Variants in TUB observed in about 807,000 individuals in gnomAD.
The protein encoded by TUB is TUB bipartite transcription factor, also known as tubby protein homolog.
A neutral mutation model predicts 59.7 loss-of-function variants in TUB; 33 were observed. That is an observed-to-expected ratio of 0.55 (90% CI 0.42 to 0.74). The LOEUF is 0.74. TUB is among the 30% of genes least tolerant of loss of function. The pLI is 0.00. For synonymous variants in TUB, 293 were observed against 256.4 expected (o/e 1.14, Z -1.36); for missense variants, 659 against 672.0 (o/e 0.98, Z 0.21).
chr11:8,055,232 A>T lies in TUB; in HGVS notation c.203+15540A>T, dbSNP rs939229386. 6.6e-5 allele frequency among the ~76,000 whole-genome samples: 10 copies of T among 151,712 alleles called. No homozygotes were observed. In the East Asian group the frequency reaches 1.4e-3, roughly 21 times the overall value. ...AGTGGCCTGTGTGTGTGCGTGTGTG[A>T]GAGAGAGAGAGGTGGGAGGAGAATG... On this transcript the variant is annotated intron_variant, in intron 2 of 12. Coordinates refer to the TUB transcript ENST00000305253.
At chr11:8,058,135 C>G (rs181311866) in intron 2 of TUB, among the ~76,000 whole-genome samples, 3 of 150,616 alleles carry the variant, frequency 2.0e-5, no homozygotes, top group African/African-American at 7.3e-5. Context: ...TCACTTGAGC[C>G]TAGGAGGTCA....
chr11:8,043,180 GA>G (rs1460740392), intron 2 of TUB, among the ~76,000 whole-genome samples: 2 of 152,112 alleles, frequency 1.3e-5, no homozygotes, highest in Non-Finnish European at 2.9e-5. Flanking sequence ...ACCATTTGGT[GA>G]AAAAACCATT....
At chr11:8,071,596 A>G (rs1285936891) in intron 2 of TUB, among the ~76,000 whole-genome samples, 1 of 152,194 alleles carries the variant, frequency 6.6e-6, no homozygotes, top group East Asian at 1.9e-4. Context: ...TGTAAGGAGC[A>G]AGGGAAGTTT....
At chr11:8,097,691 A>G (rs370589663) in intron 7 of TUB, 23 bp from the exon 8 acceptor site, 13 of 1,581,232 alleles carry the variant, frequency 8.2e-6, no homozygotes, top group Non-Finnish European at 1.0e-5. Context: ...AGTCTGGAAT[A>G]TGACCTCATT....
upstream of TUB, chr11:8,077,537 T>G (rs1288915569): frequency 2.0e-5 from 3 of 152,254 alleles, no homozygotes; most frequent in Admixed American, 6.5e-5. Context: ...CAGTGCCCGG[T>G]CAATTGTAGA....
chr11:8,094,096 A>T lies in TUB; in HGVS notation c.304A>T (p.Thr102Ser), dbSNP rs1163600570. Reference sequence around the variant, plus strand: ...TGTGCAGCTGGGAGCCACGCGCCCAACAGCACCAGCTTCAGCCAAGAGAAC... The same window carrying T: ...TGTGCAGCTGGGAGCCACGCGCCCATCAGCACCAGCTTCAGCCAAGAGAAC... ...ASVQLGATRP[T>S]APASAKRTKA... Residue 102 changes from threonine (T) to serine (S), a missense_variant, in exon 4 of 12, where the codon ACA becomes TCA. By Grantham distance (58) the Thr-to-Ser change is moderately conservative. Around this residue, in one of 3 missense-constraint regions of TUB, gnomAD observed 321 missense variants for 304.3 expected, o/e 1.05. Transcript: ENST00000299506. 1 of 1,614,192 alleles carries T rather than the reference A, an allele frequency of 6.2e-7. No individual in the cohort carries two copies.
chr11:8,033,107 A>T (rs1432339464), intron 1 of TUB, among the ~76,000 whole-genome samples: 1 of 152,146 alleles, frequency 6.6e-6, no homozygotes, highest in Admixed American at 6.5e-5. Flanking sequence ...AACCTGGGAG[A>T]CAGGGAGCTC....
intron 1 of TUB, chr11:8,019,466 G>A: frequency 8.9e-7 from 1 of 1,125,202 alleles, no homozygotes; most frequent in Non-Finnish European, 1.1e-6. Context: ...CCGACCCCCA[G>A]GGTGGGCTTG....
upstream of TUB, among the ~76,000 whole-genome samples, chr11:8,035,110 C>T (rs529039866): frequency 2.6e-5 from 4 of 152,320 alleles, no homozygotes; most frequent in East Asian, 1.9e-4. Context: ...ACCTCAAGTG[C>T]AACATTCAAA....
At chr11:8,060,812 C>A (rs1218824464) in intron 2 of TUB, among the ~76,000 whole-genome samples, 1 of 152,206 alleles carries the variant, frequency 6.6e-6, no homozygotes, top group Admixed American at 6.5e-5. Flanking sequence ...GAATCCTTGC[C>A]AACATAGAAG....
intron 2 of TUB, among the ~76,000 whole-genome samples, chr11:8,049,561 G>GTATATATA (rs372881525): frequency 0.014 from 1,682 of 123,954 alleles, 44 homozygotes; most frequent in African/African-American, 0.047. Context: ...GTATTATGTG[G>GTATATATA]TATATATATA....
chr11:8,096,562 T>C, intron 5 of TUB, 123 bp from the exon 6 acceptor site: 1 of 720,120 alleles, frequency 1.4e-6, no homozygotes, highest in Middle Eastern at 2.4e-4. Context: ...GCTAAGAGTG[T>C]GTGCATAAGT....
chr11:8,102,269 G>A lies in TUB; in HGVS notation c.*650G>A, dbSNP rs559597166. The A allele has an allele frequency of 6.6e-6, 1 of 152,320 alleles. No individual in the cohort carries two copies. The highest frequency in any genetic ancestry group is 2.1e-4 in the South Asian group (1 of 4,816). The allele number at this position is 152,320 out of a possible 1,614,324, so 9.4% of individuals were successfully genotyped here. The stretch of plus-strand genomic sequence containing the variant: ...TTGCTGTGGCTATGGGAATCAGCTG[G>A]TGGCTAGGTTTCTAGCGCATTTGAT... On this transcript the variant is annotated 3_prime_UTR_variant, in exon 12 of 12. Transcript: ENST00000299506.
At chr11:8,069,670 C>T (rs1055744015) in intron 2 of TUB, among the ~76,000 whole-genome samples, 3 of 152,112 alleles carry the variant, frequency 2.0e-5, no homozygotes, top group African/African-American at 7.2e-5. Flanking sequence ...GCTTTTCTTA[C>T]CTGTTTTGTT....
At chr11:8,100,049 G>GAGC (rs1217482016) in intron 9 of TUB, among the ~76,000 whole-genome samples, 1 of 152,212 alleles carries the variant, frequency 6.6e-6, no homozygotes, top group African/African-American at 2.4e-5. Flanking sequence ...CTGCTGTGTT[G>GAGC]AGAACAGATG....
At position 8,040,426 on chromosome 11, in the gene TUB, CAG is replaced by C. The variant is rs539157575; in HGVS notation, c.203+738_203+739del. 4.6e-3 allele frequency among the ~76,000 whole-genome samples: 702 copies of C among 152,216 alleles called. 4 individuals carry two copies. The highest frequency in any genetic ancestry group is 0.016 in the African/African-American group (650 of 41,524). ...TGTCTGTCCTTCCAAGGGACCAGGC[CAG>C]AGAAATGGGGGGCACCTGGGGCTCT... On this transcript the variant is annotated intron_variant, in intron 2 of 12. Coordinates refer to the TUB transcript ENST00000305253.
At chr11:8,090,469 C>T (rs1417112728) in intron 3 of TUB, among the ~76,000 whole-genome samples, 3 of 152,214 alleles carry the variant, frequency 2.0e-5, no homozygotes, top group Admixed American at 2.0e-4. Flanking sequence ...AAGCCTAAAC[C>T]TTTTATGAGG....
At chr11:8,056,557 G>C (rs907043711) in intron 2 of TUB, among the ~76,000 whole-genome samples, 1 of 152,092 alleles carries the variant, frequency 6.6e-6, no homozygotes, top group African/African-American at 2.4e-5. Flanking sequence ...GGAGGGAAAA[G>C]GTATTTGGCA....
chr11:8,034,835 C>G (rs1453705880), upstream of TUB, among the ~76,000 whole-genome samples: 1 of 152,234 alleles, frequency 6.6e-6, no homozygotes, highest in Non-Finnish European at 1.5e-5. Context: ...CCTTATGACT[C>G]ACTATCACCC....
Sources: gnomAD v4.1 joint callset for allele counts (sites outside exome capture counted in the v4.1 genomes callset) on GRCh38, gnomAD v4.1.1 for gene constraint, gnomAD v4.1.1 regional missense constraint, MANE v1.5 for transcripts, NCBI Gene and HGNC (gene_info 2026-07-23, HGNC 2026-07-21) for gene names.